The following RBM26 variants were observed in gnomAD, a reference collection of about 807,000 sequenced individuals.
RBM26 encodes the protein RNA-binding protein 26.
In RBM26, 30 loss-of-function variants were observed where a neutral mutation model predicts 123.6. That is an observed-to-expected ratio of 0.24 (90% CI 0.18 to 0.33). RBM26 has a LOEUF of 0.33. Among genes scored for constraint, RBM26 ranks in the 10% least tolerant of loss-of-function variants. The probability of loss-of-function intolerance (pLI) is 1.00; values close to 1 mark genes in which losing one functional copy is unlikely to be tolerated. For synonymous variants in RBM26, 400 were observed against 404.4 expected (o/e 0.99, Z 0.13); for missense variants, 947 against 1,203.6 (o/e 0.79, Z 3.15).
At chr13:79,323,397 T>C (rs1391620038) in intron 20 of RBM26, among the ~76,000 whole-genome samples, 7 of 151,744 alleles carry the variant, frequency 4.6e-5, no homozygotes, top group Admixed American at 4.6e-4. Flanking sequence ...TATAAATTTA[T>C]GATAAATTTA....
intron 5 of RBM26, among the ~76,000 whole-genome samples, chr13:79,370,475 T>C (rs1216336914): frequency 6.6e-6 from 1 of 152,240 alleles, no homozygotes; most frequent in African/African-American, 2.4e-5. Context: ...ACAACATGTT[T>C]ATACATTCAC....
At position 79,405,797 on chromosome 13, in the gene RBM26, C is replaced by T; in HGVS notation, c.-23G>A. ...CATCCACAGCGGCCCTAAGGCCCGT[C>T]ACACTCCTCCGCCCGCCCAGGTCGC... On this transcript the variant is annotated 5_prime_UTR_variant, in exon 1 of 22. Transcript: ENST00000438737. The T allele has an allele frequency of 6.7e-7, 1 of 1,489,150 alleles. No individual in the cohort carries two copies. Among genetic ancestry groups the T allele is most frequent in the South Asian group, 1.3e-5 (1 of 78,500 alleles). 92.2% of individuals were successfully genotyped at this position (1,489,150 alleles called of 1,614,324 possible). A position where few individuals can be genotyped will look rare whatever the true frequency, so the allele number is the denominator to read the frequency against.
At chr13:79,334,093 G>GT (rs1373904468) in intron 20 of RBM26, among the ~76,000 whole-genome samples, 2 of 152,100 alleles carry the variant, frequency 1.3e-5, no homozygotes, top group African/African-American at 4.8e-5. Context: ...AGAATCCCTG[G>GT]TATCTCACGA....
At chr13:79,322,076 G>A (rs916832829) in intron 21 of RBM26, among the ~76,000 whole-genome samples, 1 of 151,138 alleles carries the variant, frequency 6.6e-6, no homozygotes, top group African/African-American at 2.4e-5. Context: ...GATTTCCTGT[G>A]GATAAAAATC....
intron 1 of RBM26, among the ~76,000 whole-genome samples, chr13:79,398,237 C>T (rs1207819817): frequency 6.6e-6 from 1 of 152,160 alleles, no homozygotes; most frequent in African/African-American, 2.4e-5. Flanking sequence ...CTATTTAGCT[C>T]AAGCTTCAGT....
Position 79,386,591 on chromosome 13 carries a change from T to TAAAAA in RBM26, c.72-7689_72-7685dup, listed in dbSNP as rs398023598. On this transcript the variant is annotated intron_variant, in intron 1 of 21. Transcript: ENST00000438737. ...ACATCAAGCCACAGAACTCTCTCTT[T>TAAAAA]AAAAAAAAAAAAAAAAAAAAGGTGT... 1.5e-4 allele frequency among the ~76,000 whole-genome samples: 14 copies of TAAAAA among 92,824 alleles called. 3 individuals are homozygous for TAAAAA. Among genetic ancestry groups the TAAAAA allele is most frequent in the South Asian group, 3.8e-4 (1 of 2,632 alleles). The allele number at this position is 92,824 out of a possible 152,430, so 60.9% of individuals were successfully genotyped here. A position where few individuals can be genotyped will look rare whatever the true frequency, so the allele number is the denominator to read the frequency against.
At chr13:79,399,322 T>C (rs755643838) in intron 1 of RBM26, among the ~76,000 whole-genome samples, 5 of 152,242 alleles carry the variant, frequency 3.3e-5, no homozygotes, top group Non-Finnish European at 7.3e-5. Context: ...TGCTAATTCA[T>C]CTTCCTAACA....
intron 1 of RBM26, among the ~76,000 whole-genome samples, chr13:79,383,558 A>C (rs2077237397): frequency 6.6e-6 from 1 of 152,150 alleles, no homozygotes; most frequent in Admixed American, 6.6e-5. Flanking sequence ...TTATCGTCCA[A>C]ATATCGCATT....
downstream of RBM26, among the ~76,000 whole-genome samples, chr13:79,316,547 C>T (rs999152661): frequency 6.6e-6 from 1 of 151,762 alleles, no homozygotes; most frequent in Non-Finnish European, 1.5e-5. Context: ...GAAGTCCTGT[C>T]TTTAAACTAT....
intron 3 of RBM26, among the ~76,000 whole-genome samples, chr13:79,373,384 TAA>T (rs1159714668): frequency 2.1e-5 from 2 of 94,272 alleles, no homozygotes; most frequent in Non-Finnish European, 3.7e-5. Context: ...ATATTATATA[TAA>T]ATATATATAA....
At chr13:79,384,549 T>G (rs1355175726) in intron 1 of RBM26, among the ~76,000 whole-genome samples, 7 of 152,088 alleles carry the variant, frequency 4.6e-5, no homozygotes, top group Non-Finnish European at 8.8e-5. Context: ...AGAGCAATAG[T>G]GCCCAGCTGG....
At position 79,334,291 on chromosome 13, in the gene RBM26, TA is replaced by T. The variant is rs1031371139; in HGVS notation, c.2820+52del. 3.5e-5 allele frequency: 35 copies of T among 1,010,738 alleles called. No homozygotes were observed. In the African/African-American group the frequency reaches 4.2e-4, roughly 12 times the overall value. 62.6% of individuals were successfully genotyped at this position (1,010,738 alleles called of 1,614,324 possible). On this transcript the variant is annotated intron_variant, in intron 20 of 21. Coordinates refer to ENST00000438737, the MANE Select transcript of RBM26 (RefSeq NM_001366735.2). ...ATTCATTTATATTAAAACTTAAAAGTAATACTTATAAATCATTTAAATCTGA... is the reference window on the plus strand; with the variant it reads ...ATTCATTTATATTAAAACTTAAAAGTATACTTATAAATCATTTAAATCTGA...
At chr13:79,354,671 T>A (rs2073754193) in intron 12 of RBM26, 101 bp from the exon 13 acceptor site, 1 of 1,101,484 alleles carries the variant, frequency 9.1e-7, no homozygotes, top group Non-Finnish European at 1.2e-6. Flanking sequence ...GAGAAAGTTT[T>A]TAAAATGCAG....
In RBM26 at chr13:79,405,817, G is replaced by GGTCGC; in HGVS notation, c.-48_-44dup. ...CCCGTCACACTCCTCCGCCCGCCCA[G>GGTCGC]GTCGCGGCCGCTACAGCCGCCGCTG... On this transcript the variant is annotated 5_prime_UTR_variant, in exon 1 of 22. Transcript: ENST00000438737. 7.5e-7 allele frequency: 1 copy of GGTCGC among 1,328,622 alleles called. No homozygotes were observed. The highest frequency in any genetic ancestry group is 1.0e-6 in the Non-Finnish European group (1 of 981,926). 82.3% of individuals were successfully genotyped at this position (1,328,622 alleles called of 1,614,324 possible).
At chr13:79,379,197 A>G (rs2076878756) in intron 1 of RBM26, among the ~76,000 whole-genome samples, 1 of 152,004 alleles carries the variant, frequency 6.6e-6, no homozygotes, top group South Asian at 2.1e-4. Context: ...AGATTTTATA[A>G]AAGTGGCATC....
chr13:79,402,243 T>G (rs1246754612), intron 1 of RBM26, among the ~76,000 whole-genome samples: 2 of 152,060 alleles, frequency 1.3e-5, no homozygotes, highest in African/African-American at 4.8e-5. Flanking sequence ...ATCTTTGAGA[T>G]AACAAAACAT....
At chr13:79,386,912 T>C (rs17071385) in intron 1 of RBM26, among the ~76,000 whole-genome samples, 13,195 of 152,120 alleles carry the variant, frequency 0.087, 1,325 homozygotes, top group African/African-American at 0.24. Flanking sequence ...AGTTCTATCA[T>C]CCTGTTGGAT....
At chr13:79,369,405 G>A (rs1000660085) in intron 5 of RBM26, among the ~76,000 whole-genome samples, 1 of 152,040 alleles carries the variant, frequency 6.6e-6, no homozygotes, top group Non-Finnish European at 1.5e-5. Context: ...AGATAAGAAC[G>A]GATGACCCAG....
intron 1 of RBM26, among the ~76,000 whole-genome samples, chr13:79,388,182 G>A (rs932610629): frequency 2.0e-5 from 3 of 152,148 alleles, no homozygotes; most frequent in South Asian, 4.1e-4. Flanking sequence ...TGCAACCTCC[G>A]CCTCCCGGGT....
Sources: gnomAD v4.1 joint callset for allele counts (sites outside exome capture counted in the v4.1 genomes callset) on GRCh38, gnomAD v4.1.1 for gene constraint, MANE v1.5 for transcripts, NCBI Gene and HGNC (gene_info 2026-07-23, HGNC 2026-07-21) for gene names.